The following B3GALT5 variants were observed in gnomAD, a reference collection of about 807,000 sequenced individuals.
The protein encoded by B3GALT5 is UDP-Gal:betaGlcNAc beta 1,3-galactosyltransferase, polypeptide 5.
For synonymous variants in B3GALT5, 156 were observed against 158.6 expected (o/e 0.98, Z 0.12); for missense variants, 328 against 396.6 (o/e 0.83, Z 1.47).
At chr21:39,616,360 T>A (rs1016233166) in intron 1 of B3GALT5, among the ~76,000 whole-genome samples, 19 of 152,230 alleles carry the variant, frequency 1.2e-4, no homozygotes, top group Non-Finnish European at 2.5e-4. Flanking sequence ...TTTAATCTCG[T>A]TCCGTCTCCT....
At position 39,661,510 on chromosome 21, in the gene B3GALT5, A is replaced by G. The variant is rs1423428479; in HGVS notation, c.*18A>G. 5 of 1,493,136 alleles carry G rather than the reference A, an allele frequency of 3.3e-6. No homozygotes were observed. The highest frequency in any genetic ancestry group is 4.5e-6 in the Non-Finnish European group (5 of 1,122,870). 92.5% of individuals were successfully genotyped at this position (1,493,136 alleles called of 1,614,324 possible). On this transcript the variant is annotated 3_prime_UTR_variant, in exon 4 of 4. Transcript: ENST00000684187. The surrounding 1 kb of genome is among the most constrained non-coding windows in gnomAD (Gnocchi z 4.7). ...CTGTCTGAGGGGAGCCCAGAGGCAC[A>G]TCCGGACAAGTTTCAGATAACCCGT...
chr21:39,632,393 G>C (rs996231686), intron 1 of B3GALT5, among the ~76,000 whole-genome samples: 2 of 152,190 alleles, frequency 1.3e-5, no homozygotes, highest in African/African-American at 2.4e-5. Flanking sequence ...AGTGGGTTGA[G>C]GTTAATTACG....
intron 1 of B3GALT5, among the ~76,000 whole-genome samples, chr21:39,628,120 A>G (rs569226121): frequency 1.3e-5 from 2 of 152,352 alleles, no homozygotes; most frequent in East Asian, 3.9e-4. Context: ...TTATTTATAA[A>G]ACAAAACCAA....
chr21:39,658,026 TC>T, intron 2 of B3GALT5: 1 of 785,446 alleles, frequency 1.3e-6, no homozygotes, highest in Non-Finnish European at 1.7e-6. Context: ...GGCTGCCCTT[TC>T]CAGGCTCTGT....
chr21:39,646,291 A>G (rs1470218250), intron 1 of B3GALT5, 101 bp from the exon 2 acceptor site: 3 of 152,072 alleles, frequency 2.0e-5, no homozygotes, highest in Non-Finnish European at 4.4e-5. Context: ...TTCTTCCTCC[A>G]TTGAATAAGC....
intron 2 of B3GALT5, chr21:39,657,630 C>T (rs1380829332): frequency 1.7e-5 from 6 of 346,084 alleles, no homozygotes; most frequent in Non-Finnish European, 3.1e-5. Context: ...TCACGCTAGC[C>T]AATTCTTCTA....
chr21:39,660,508 A>G, intron 3 of B3GALT5, 52 bp from the exon 4 acceptor site: 2 of 1,361,960 alleles, frequency 1.5e-6, no homozygotes, highest in East Asian at 2.5e-5. Flanking sequence ...GCATAAAACT[A>G]GACACATCCT....
chr21:39,670,978 C>G lies in B3GALT5; in HGVS notation c.*9486C>G, dbSNP rs1275483013. On this transcript the variant is annotated 3_prime_UTR_variant, in exon 4 of 4. Transcript: ENST00000684187. ...CGATTTATAGACAATAGAAATTAAT[C>G]TGGCTCATGGTTCTAGAGGCTAGGA... 6.6e-6 allele frequency: 1 copy of G among 152,238 alleles called. No individual in the cohort carries two copies. The highest frequency in any genetic ancestry group is 1.5e-5 in the Non-Finnish European group (1 of 68,052). The allele number at this position is 152,238 out of a possible 1,614,324, so 9.4% of individuals were successfully genotyped here.
chr21:39,624,347 A>G (rs1448384609), intron 1 of B3GALT5, among the ~76,000 whole-genome samples: 1 of 152,150 alleles, frequency 6.6e-6, no homozygotes, highest in Non-Finnish European at 1.5e-5. Context: ...TTTTTGGCCA[A>G]TTTGAACTTA....
intron 2 of B3GALT5, among the ~76,000 whole-genome samples, chr21:39,656,050 G>A (rs1231168022): frequency 6.6e-6 from 1 of 152,204 alleles, no homozygotes; most frequent in African/African-American, 2.4e-5. Context: ...TACCAGGCCA[G>A]CCTAGAGTAG....
rs148814340 is a variant in B3GALT5 at position 39,639,991 on chromosome 21, A to G, written c.-391-6401A>G. Among the ~76,000 whole-genome samples the G allele has an allele frequency of 2.0e-3, 293 of 146,686 alleles. 3 individuals carry two copies. In the East Asian group the frequency reaches 0.026, roughly 13 times the overall value. On this transcript the variant is annotated intron_variant, in intron 1 of 3. Transcript: ENST00000684187. ...TAAAATGTAAATAAATAACTGTAAA[A>G]TGTACCTGGAGGGCTCATTAGCAAG...
chr21:39,641,343 C>T (rs757872659), intron 1 of B3GALT5, among the ~76,000 whole-genome samples: 2 of 152,052 alleles, frequency 1.3e-5, no homozygotes, highest in African/African-American at 2.4e-5. Flanking sequence ...TCAGTGATGT[C>T]TCTTTAAAGC....
At chr21:39,645,203 C>G (rs2079325960) in intron 1 of B3GALT5, among the ~76,000 whole-genome samples, 1 of 152,136 alleles carries the variant, frequency 6.6e-6, no homozygotes, top group Non-Finnish European at 1.5e-5. Flanking sequence ...ACTTGGTAAC[C>G]ACAGGCAGCG....
chr21:39,639,358 C>T (rs1188287421), intron 1 of B3GALT5, among the ~76,000 whole-genome samples: 367 of 119,558 alleles, frequency 3.1e-3, no homozygotes, highest in Non-Finnish European at 4.3e-3. Flanking sequence ...TTCCTTCCTT[C>T]CTTCCTTCCT....
intron 1 of B3GALT5, among the ~76,000 whole-genome samples, chr21:39,631,285 T>C (rs1156280522): frequency 6.6e-6 from 1 of 152,152 alleles, no homozygotes; most frequent in Non-Finnish European, 1.5e-5. Flanking sequence ...ATCTGTTAGG[T>C]GCATCTCTCC....
intron 3 of B3GALT5, 90 bp from the exon 4 acceptor site, chr21:39,660,470 G>A (rs1602306863): frequency 9.6e-6 from 11 of 1,144,440 alleles, no homozygotes; most frequent in Non-Finnish European, 1.3e-5. Flanking sequence ...TCCAAAACAC[G>A]GGTCTCCTCT....
intron 1 of B3GALT5, among the ~76,000 whole-genome samples, chr21:39,629,744 T>A (rs1602261844): frequency 1.3e-5 from 2 of 152,216 alleles, no homozygotes; most frequent in East Asian, 3.8e-4. Context: ...GACCTCATAG[T>A]TAATTTTCTT....
chr21:39,640,190 C>T (rs1391789883), intron 1 of B3GALT5, among the ~76,000 whole-genome samples: 1 of 152,162 alleles, frequency 6.6e-6, no homozygotes, highest in Non-Finnish European at 1.5e-5. Context: ...AACAGCCTTG[C>T]AACCAGGCTG....
At chr21:39,659,703 C>T in intron 2 of B3GALT5, 50 bp from the exon 3 acceptor site, 1 of 964,482 alleles carries the variant, frequency 1.0e-6, no homozygotes, top group Non-Finnish European at 1.2e-6. Flanking sequence ...TGAAGGCCTG[C>T]TGGTAAGGCA....
Sources: allele counts gnomAD v4.1 joint callset (sites outside exome capture counted in the v4.1 genomes callset), GRCh38; gene constraint gnomAD v4.1.1; non-coding constraint Gnocchi (gnomAD v3.1); transcripts MANE v1.5; gene names NCBI Gene and HGNC (gene_info 2026-07-23, HGNC 2026-07-21).